NRXN1: variants seen among roughly 807,000 people sequenced by gnomAD.
The protein encoded by NRXN1 is neurexin-1.
Under a neutral mutation model 150.9 loss-of-function variants are expected in NRXN1, and 39 were observed. That is an observed-to-expected ratio of 0.26 (90% confidence interval 0.20 to 0.34). NRXN1 has a LOEUF of 0.34. NRXN1 is among the 10% of genes least tolerant of loss of function. NRXN1 has a pLI of 1.00. For synonymous variants in NRXN1, 924 were observed against 757.0 expected, an observed-to-expected ratio of 1.22 and a Z score of -3.62; for missense variants, 1,815 against 1,949.9, an observed-to-expected ratio of 0.93 and a Z score of 1.30.
intron 2 of NRXN1, among the ~76,000 whole-genome samples, chr2:50,927,254 TA>T (rs1048489248): frequency 1.3e-5 from 2 of 152,048 alleles, no homozygotes; most frequent in Admixed American, 1.3e-4. Context: ...ACTAGTGAAT[TA>T]AAAATCAACA....
chr2:50,320,283 CATATATATATATATATATATATAT>C (rs61282635), intron 17 of NRXN1, among the ~76,000 whole-genome samples: 24 of 43,058 alleles, frequency 5.6e-4, no homozygotes, highest in Middle Eastern at 0.029. Context: ...ATACCTCAAT[CATATATATATATATATATATATAT>C]ATATATATAT....
intron 2 of NRXN1, among the ~76,000 whole-genome samples, chr2:50,991,515 G>A (rs1286498445): frequency 1.1e-4 from 16 of 151,930 alleles, no homozygotes; most frequent in Admixed American, 1.1e-3. Flanking sequence ...CTGAATAAAT[G>A]CTCAACAGTT....
chr2:50,788,157 G>A (rs554302190), intron 5 of NRXN1, among the ~76,000 whole-genome samples: 4 of 151,450 alleles, frequency 2.6e-5, no homozygotes. Flanking sequence ...CGCGATCTTG[G>A]CTCACTGTGA....
chr2:50,531,888 T>C (rs911936560), intron 10 of NRXN1, among the ~76,000 whole-genome samples: 16 of 152,136 alleles, frequency 1.1e-4, no homozygotes, highest in Non-Finnish European at 1.9e-4. Flanking sequence ...CTGTATCCCC[T>C]AGGCTGGAGT....
rs905129879 is a variant in NRXN1, at chr2:50,117,746, A to C, written c.3547-26252T>G. Among the ~76,000 whole-genome samples the C allele has an allele frequency of 2.0e-5, 3 of 151,162 alleles. No individual in the cohort carries two copies. The East Asian group carries it at 5.9e-4, about 29-fold the overall frequency. On this transcript the variant is annotated intron_variant, in intron 18 of 22. Coordinates refer to ENST00000401669, the MANE Select transcript of NRXN1 (RefSeq NM_001330078.2). ...ATGAGTACTTCTCACCGATTCAGTG[A>C]GCCAAATCATAAAGCCTCAGGCTGT...
In NRXN1 at chr2:51,015,460, G is replaced by A. The variant is rs1401953250; in HGVS notation, c.772+12042C>T. 6.6e-5 allele frequency among the ~76,000 whole-genome samples: 10 copies of A among 152,036 alleles called. No homozygotes were observed. In the East Asian group the frequency reaches 9.7e-4, roughly 15 times the overall value. On this transcript the variant is annotated intron_variant, in intron 2 of 22. Coordinates refer to ENST00000401669, the MANE Select transcript of NRXN1 (RefSeq NM_001330078.2). ...TCCAGGATGGATAATGTCTTGGGTC[G>A]AGGAGAAGGAAGGTGCCCATCATTC...
intron 5 of NRXN1, among the ~76,000 whole-genome samples, chr2:50,655,164 T>G (rs778072550): frequency 5.3e-5 from 8 of 151,914 alleles, no homozygotes; most frequent in Admixed American, 2.6e-4. Flanking sequence ...GAGCCATACT[T>G]TTCTTGTGAA....
chr2:50,592,825 A>G (rs1461381812), intron 8 of NRXN1, among the ~76,000 whole-genome samples: 1 of 152,168 alleles, frequency 6.6e-6, no homozygotes, highest in Non-Finnish European at 1.5e-5. Context: ...TAGAGAAAAA[A>G]ATTTTGGGAA....
intron 17 of NRXN1, among the ~76,000 whole-genome samples, chr2:50,434,129 C>G (rs1350126224): frequency 6.8e-6 from 1 of 147,444 alleles, no homozygotes; most frequent in Non-Finnish European, 1.5e-5. Context: ...GGCGCATCTC[C>G]GCTCACTGCA....
At chr2:50,593,001 T>C (rs1674538477) in intron 8 of NRXN1, among the ~76,000 whole-genome samples, 1 of 152,204 alleles carries the variant, frequency 6.6e-6, no homozygotes, top group African/African-American at 2.4e-5. Flanking sequence ...ATTACTACTC[T>C]AAAAAGCCCC....
intron 18 of NRXN1, among the ~76,000 whole-genome samples, chr2:50,184,970 G>T (rs1182330369): frequency 6.6e-6 from 1 of 152,046 alleles, no homozygotes; most frequent in Non-Finnish European, 1.5e-5. Flanking sequence ...TTAGCGCCAC[G>T]TAGGTGGCCT....
intron 9 of NRXN1, among the ~76,000 whole-genome samples, chr2:50,542,588 G>A (rs1007322746): frequency 6.6e-6 from 1 of 152,188 alleles, no homozygotes; most frequent in African/African-American, 2.4e-5. Flanking sequence ...TTGTAAAAGA[G>A]ATGGCAAATA....
intron 8 of NRXN1, among the ~76,000 whole-genome samples, chr2:50,557,877 A>T (rs1558934179): frequency 6.6e-6 from 1 of 152,230 alleles, no homozygotes; most frequent in Non-Finnish European, 1.5e-5. Flanking sequence ...GATCAAAGGT[A>T]TTCAGCAGAC....
intron 2 of NRXN1, among the ~76,000 whole-genome samples, chr2:50,934,561 T>A (rs937910834): frequency 6.6e-6 from 1 of 152,200 alleles, no homozygotes; most frequent in Non-Finnish European, 1.5e-5. Flanking sequence ...AGCCACTGGC[T>A]ACCAGGCTGG....
At chr2:50,930,095 T>A (rs1006765045) in intron 2 of NRXN1, among the ~76,000 whole-genome samples, 1 of 152,048 alleles carries the variant, frequency 6.6e-6, no homozygotes, top group African/African-American at 2.4e-5. Context: ...GGACATCACC[T>A]CCTTTTTCAA....
chr2:50,164,584 T>G (rs929657005), intron 18 of NRXN1, among the ~76,000 whole-genome samples: 3 of 152,200 alleles, frequency 2.0e-5, no homozygotes, highest in African/African-American at 7.2e-5. Flanking sequence ...TTGCATTTGC[T>G]TTGGCAGCTT....
chr2:50,869,495 G>T (rs1574772517), intron 5 of NRXN1, among the ~76,000 whole-genome samples: 1 of 151,462 alleles, frequency 6.6e-6, no homozygotes, highest in East Asian at 2.0e-4. Flanking sequence ...TAATCACTCT[G>T]AGGAGAGAGA....
chr2:50,640,727 T>C (rs1683957550), intron 5 of NRXN1, among the ~76,000 whole-genome samples: 1 of 152,182 alleles, frequency 6.6e-6, no homozygotes, highest in Non-Finnish European at 1.5e-5. Context: ...ACTTAGACAA[T>C]CACATTTGCC....
At chr2:50,317,694 C>G (rs982592373) in intron 17 of NRXN1, among the ~76,000 whole-genome samples, 2 of 151,772 alleles carry the variant, frequency 1.3e-5, no homozygotes, top group African/African-American at 4.8e-5. Flanking sequence ...AAAACCATGG[C>G]AAACATCTCA....
Sources: allele counts gnomAD v4.1 joint callset (sites outside exome capture counted in the v4.1 genomes callset), GRCh38; gene constraint gnomAD v4.1.1; transcripts MANE v1.5; gene names NCBI Gene and HGNC (gene_info 2026-07-23, HGNC 2026-07-21).